Variants in GRAMD1C observed in about 807,000 individuals in gnomAD.
The protein encoded by GRAMD1C is protein Aster-C.
Under a neutral mutation model 97.8 loss-of-function variants are expected in GRAMD1C, and 89 were observed. That is an observed-to-expected ratio of 0.91 (90% CI 0.77 to 1.09). GRAMD1C has a LOEUF of 1.09. GRAMD1C is among the 50% of genes least tolerant of loss of function. The pLI is 0.00. For missense variants in GRAMD1C, 740 were observed against 766.4 expected (o/e 0.97, Z 0.41); for synonymous variants, 256 against 267.0 (o/e 0.96, Z 0.40).
chr3:113,850,662 T>C, intron 2 of GRAMD1C: 1 of 1,604,144 alleles, frequency 6.2e-7, no homozygotes, highest in African/African-American at 1.3e-5. Context: ...ACGTCCTTCT[T>C]GGCCACCATG....
At chr3:113,882,190 TTTCTC>T (rs1280865190) in intron 5 of GRAMD1C, among the ~76,000 whole-genome samples, 3 of 152,178 alleles carry the variant, frequency 2.0e-5, no homozygotes, top group Non-Finnish European at 4.4e-5. Flanking sequence ...ACATACTACT[TTTCTC>T]TTATAGCATT....
At chr3:113,911,635 C>T (rs1559809760) in intron 9 of GRAMD1C, among the ~76,000 whole-genome samples, 1 of 141,664 alleles carries the variant, frequency 7.1e-6, no homozygotes, top group Non-Finnish European at 1.6e-5. Context: ...TTCTTCCTTT[C>T]TTTCCTTCTT....
intron 1 of GRAMD1C, among the ~76,000 whole-genome samples, chr3:113,840,527 G>A (rs1323567774): frequency 6.6e-6 from 1 of 151,898 alleles, no homozygotes; most frequent in African/African-American, 2.4e-5. Context: ...TATCGCTTGA[G>A]GACAGGAATT....
At chr3:113,829,079 C>T (rs1263756895) in intron 1 of GRAMD1C, among the ~76,000 whole-genome samples, 1 of 152,164 alleles carries the variant, frequency 6.6e-6, no homozygotes, top group Non-Finnish European at 1.5e-5. Context: ...TCCTTGCATA[C>T]ATACTTATCT....
chr3:113,908,267 A>G (rs927557711), intron 8 of GRAMD1C, among the ~76,000 whole-genome samples: 3 of 152,248 alleles, frequency 2.0e-5, no homozygotes, highest in Non-Finnish European at 4.4e-5. Context: ...TTACTTGAAT[A>G]CTAACATAGC....
upstream of GRAMD1C, among the ~76,000 whole-genome samples, chr3:113,835,744 G>A (rs565033213): frequency 6.6e-6 from 1 of 152,288 alleles, no homozygotes; most frequent in African/African-American, 2.4e-5. Flanking sequence ...TTCGAACGAT[G>A]TTCACATTTT....
In GRAMD1C at chr3:113,919,066, C is replaced by T. The variant is rs1480115383; in HGVS notation, c.1090+3228C>T. ...GAATTTAATGATTTTTTTAAATAAT[C>T]AATTATTTGTGGATTAAATCTAATT... is the stretch of plus-strand genomic sequence containing the variant. On this transcript the variant is annotated intron_variant, in intron 10 of 17. Coordinates refer to ENST00000358160, the MANE Select transcript of GRAMD1C (RefSeq NM_017577.5). 3.9e-5 allele frequency among the ~76,000 whole-genome samples: 6 copies of T among 152,188 alleles called. No individual in the cohort carries two copies. In the South Asian group the frequency reaches 1.0e-3, roughly 26 times the overall value.
At chr3:113,869,358 T>C (rs1317622657) in intron 2 of GRAMD1C, 149 bp from the exon 3 acceptor site, 5 of 577,354 alleles carry the variant, frequency 8.7e-6, no homozygotes, top group Non-Finnish European at 1.5e-5. Flanking sequence ...TCTTCTTTGC[T>C]TCTTTTTGGT....
intron 1 of GRAMD1C, among the ~76,000 whole-genome samples, chr3:113,833,628 T>C (rs1170503708): frequency 6.6e-6 from 1 of 152,166 alleles, no homozygotes; most frequent in Non-Finnish European, 1.5e-5. Flanking sequence ...AGGTCTGTAC[T>C]GCTACCTCTG....
chr3:113,899,984 A>T (rs1936099117), intron 6 of GRAMD1C, among the ~76,000 whole-genome samples: 1 of 152,130 alleles, frequency 6.6e-6, no homozygotes, highest in South Asian at 2.1e-4. Flanking sequence ...TACATTATGG[A>T]TTAAGAGGAC....
intron 6 of GRAMD1C, among the ~76,000 whole-genome samples, chr3:113,894,410 C>G (rs1935853000): frequency 6.6e-6 from 1 of 152,042 alleles, no homozygotes; most frequent in Non-Finnish European, 1.5e-5. Flanking sequence ...TCCTGAGTAG[C>G]TGGGATTACA....
chr3:113,877,067 C>T (rs746154005), intron 5 of GRAMD1C, among the ~76,000 whole-genome samples: 5 of 152,112 alleles, frequency 3.3e-5, no homozygotes, highest in South Asian at 2.1e-4. Context: ...AGGCCAGCCT[C>T]GAGCATTTGG....
chr3:113,913,125 T>G (rs1206971438), intron 9 of GRAMD1C: 2 of 1,283,492 alleles, frequency 1.6e-6, no homozygotes, highest in Admixed American at 4.6e-5. Flanking sequence ...TTTAGGACTT[T>G]AGGAAGATCT....
At chr3:113,841,167 TG>T (rs919063164) in intron 1 of GRAMD1C, among the ~76,000 whole-genome samples, 80 of 152,182 alleles carry the variant, frequency 5.3e-4, no homozygotes, top group African/African-American at 1.9e-3. Context: ...TCATCGAGGA[TG>T]CAGTAATGAA....
intron 1 of GRAMD1C, among the ~76,000 whole-genome samples, chr3:113,832,342 T>G (rs1709570515): frequency 6.6e-6 from 1 of 152,216 alleles, no homozygotes; most frequent in Admixed American, 6.5e-5. Flanking sequence ...GCAGCAACTT[T>G]GAAAATCAGG....
intron 1 of GRAMD1C, among the ~76,000 whole-genome samples, chr3:113,831,030 A>T (rs1463157771): frequency 6.6e-6 from 1 of 152,236 alleles, no homozygotes; most frequent in East Asian, 1.9e-4. Flanking sequence ...CAGAGGTTGC[A>T]GTGAGCTGAG....
intron 8 of GRAMD1C, among the ~76,000 whole-genome samples, chr3:113,908,318 A>G (rs1423762980): frequency 6.6e-6 from 1 of 152,234 alleles, no homozygotes; most frequent in African/African-American, 2.4e-5. Flanking sequence ...AATTTATTAT[A>G]GAGATGACAT....
chr3:113,934,116 G>T (rs973584699), intron 12 of GRAMD1C, among the ~76,000 whole-genome samples: 2 of 152,150 alleles, frequency 1.3e-5, no homozygotes, highest in African/African-American at 4.8e-5. Flanking sequence ...GACCACTAGA[G>T]ATTTTTTATA....
At chr3:113,861,748 T>G (rs766164078) in intron 2 of GRAMD1C, among the ~76,000 whole-genome samples, 2 of 152,114 alleles carry the variant, frequency 1.3e-5, no homozygotes, top group African/African-American at 4.8e-5. Context: ...CATGAAAACA[T>G]GTCCAACATC....
Sources: allele counts gnomAD v4.1 joint callset (sites outside exome capture counted in the v4.1 genomes callset), GRCh38; gene constraint gnomAD v4.1.1; transcripts MANE v1.5; gene names NCBI Gene and HGNC (gene_info 2026-07-23, HGNC 2026-07-21).